ABCC4: variants seen among roughly 807,000 people sequenced by gnomAD.
ABCC4 encodes ATP-binding cassette sub-family C member 4.
In ABCC4, 102 loss-of-function variants were observed where a neutral mutation model predicts 168.5. The observed-to-expected ratio is 0.61, with a 90% CI of 0.52 to 0.71. ABCC4 has a LOEUF of 0.71. Ranked by LOEUF, ABCC4 falls within the 30% of genes least tolerant of loss-of-function variation. The probability of loss-of-function intolerance (pLI) is 0.00; values close to 1 mark genes in which losing one functional copy is unlikely to be tolerated. For missense variants in ABCC4, 1,402 were observed against 1,605.8 expected (o/e 0.87, Z 2.17); for synonymous variants, 617 against 590.7 (o/e 1.04, Z -0.65).
chr13:95,170,670 G>T, intron 13 of ABCC4, 42 bp from the exon 14 acceptor site: 2 of 1,209,464 alleles, frequency 1.7e-6, no homozygotes, highest in Non-Finnish European at 1.2e-6. Flanking sequence ...TGCATGAATG[G>T]GGTGCTCCAC....
intron 30 of ABCC4, among the ~76,000 whole-genome samples, chr13:95,028,974 T>C (rs1298830378): frequency 6.6e-6 from 1 of 151,746 alleles, no homozygotes; most frequent in Non-Finnish European, 1.5e-5. Context: ...AAGACCAGCC[T>C]GGCCAACATG....
intron 1 of ABCC4, among the ~76,000 whole-genome samples, chr13:95,257,121 A>G (rs1261400454): frequency 2.0e-5 from 3 of 152,274 alleles, no homozygotes; most frequent in African/African-American, 7.2e-5. Flanking sequence ...TGGAAGCCTT[A>G]CCAGTAACAT....
chr13:95,159,832 C>T (rs1226707452), intron 19 of ABCC4, among the ~76,000 whole-genome samples: 2 of 152,174 alleles, frequency 1.3e-5, no homozygotes, highest in East Asian at 1.9e-4. Flanking sequence ...GAACAGTCTT[C>T]TTTAATCTTC....
chr13:95,034,565 T>G (rs1361124058), intron 30 of ABCC4, 40 bp downstream of exon 30: 2 of 1,601,930 alleles, frequency 1.2e-6, no homozygotes, highest in Non-Finnish European at 1.7e-6. Flanking sequence ...AGGGAGCCGC[T>G]GAGACAAACT....
rs6492765 is a variant in ABCC4, at chr13:95,033,125, T to G, written c.3870+1480A>C. The stretch of plus-strand genomic sequence containing the variant: ...GCTGGGATTACAGGCAATCGCCACT[T>G]CACCCAGCTGATTTTTATATTTTTA... On this transcript the variant is annotated intron_variant, in intron 30 of 30. Coordinates refer to ENST00000645237, the MANE Select transcript of ABCC4 (RefSeq NM_005845.5). 2.0e-5 allele frequency among the ~76,000 whole-genome samples: 3 copies of G among 152,018 alleles called. No homozygotes were observed. The East Asian group carries it at 5.8e-4, about 29-fold the overall frequency.
chr13:95,074,076 C>T, intron 23 of ABCC4, 138 bp downstream of exon 23: 1 of 677,128 alleles, frequency 1.5e-6, no homozygotes, highest in Non-Finnish European at 2.4e-6. Flanking sequence ...CCCAACCTGA[C>T]ACATCGTAAA....
At chr13:95,266,487 T>C (rs1370176857) in intron 1 of ABCC4, among the ~76,000 whole-genome samples, 1 of 152,198 alleles carries the variant, frequency 6.6e-6, no homozygotes, top group Non-Finnish European at 1.5e-5. Flanking sequence ...CCACCAAGTA[T>C]GTAGGAATTT....
intron 1 of ABCC4, among the ~76,000 whole-genome samples, chr13:95,257,320 G>A (rs189724507): frequency 9.5e-4 from 145 of 152,308 alleles, no homozygotes; most frequent in African/African-American, 3.4e-3. Flanking sequence ...AGGCTGAAGA[G>A]GAAGAGGAAG....
intron 20 of ABCC4, among the ~76,000 whole-genome samples, chr13:95,105,688 C>T (rs368124213): frequency 6.6e-6 from 1 of 152,102 alleles, no homozygotes; most frequent in Admixed American, 6.5e-5. Context: ...CTAGTGGCCT[C>T]GGCACTGCTG....
chr13:95,062,486 T>TCTCA (rs1555306573), intron 26 of ABCC4, among the ~76,000 whole-genome samples: 285 of 144,994 alleles, frequency 2.0e-3, no homozygotes, highest in Non-Finnish European at 3.6e-3. Flanking sequence ...TTATTAAATA[T>TCTCA]CACACACACA....
At chr13:95,287,023 G>A (rs1195819561) in intron 1 of ABCC4, among the ~76,000 whole-genome samples, 1 of 151,978 alleles carries the variant, frequency 6.6e-6, no homozygotes, top group East Asian at 1.9e-4. Context: ...CATTGACCGG[G>A]CACGATGGCT....
At chr13:95,189,401 G>A (rs1256837767) in intron 9 of ABCC4, among the ~76,000 whole-genome samples, 7 of 152,198 alleles carry the variant, frequency 4.6e-5, no homozygotes, top group East Asian at 1.9e-4. Flanking sequence ...GATTACAGGC[G>A]TGAGCCACCG....
chr13:95,127,065 T>C (rs566052258), intron 19 of ABCC4, among the ~76,000 whole-genome samples: 1 of 151,810 alleles, frequency 6.6e-6, no homozygotes, highest in East Asian at 1.9e-4. Flanking sequence ...CAAACCATCA[T>C]CTTCATCTTA....
At chr13:95,145,459 TA>T (rs879937738) in intron 19 of ABCC4, among the ~76,000 whole-genome samples, 279 of 117,674 alleles carry the variant, frequency 2.4e-3, no homozygotes, top group Middle Eastern at 4.7e-3. Flanking sequence ...CATCTCTACC[TA>T]AAAAAAAAAA....
Position 95,123,599 on chromosome 13 carries a change from T to C in ABCC4, c.2456-7598A>G, listed in dbSNP as rs188247420. ...CTGGTCTCAAACTCCTGACCTCAGG[T>C]GACCTGCCCACCTCAGCCTCCAAAG... On this transcript the variant is annotated intron_variant, in intron 19 of 30. Transcript: ENST00000645237. 3.9e-5 allele frequency among the ~76,000 whole-genome samples: 6 copies of C among 152,268 alleles called. No homozygotes were observed. The East Asian group carries it at 1.2e-3, about 29-fold the overall frequency.
intron 20 of ABCC4, among the ~76,000 whole-genome samples, chr13:95,114,308 T>C (rs1729748): frequency 0.43 from 65,070 of 152,040 alleles, 16,210 homozygotes; most frequent in South Asian, 0.69. Flanking sequence ...ACAAAGCACA[T>C]AAGGGATACT....
At chr13:95,032,579 T>C (rs904996351) in intron 30 of ABCC4, among the ~76,000 whole-genome samples, 64 of 152,348 alleles carry the variant, frequency 4.2e-4, no homozygotes, top group African/African-American at 1.5e-3. Flanking sequence ...TGAGATGAAA[T>C]AGGAGCTGAA....
At chr13:95,161,158 T>C (rs1393589981) in intron 19 of ABCC4, 31 bp downstream of exon 19, 7 of 1,556,010 alleles carry the variant, frequency 4.5e-6, no homozygotes, top group East Asian at 4.6e-5. Flanking sequence ...TAACAAGACA[T>C]ACTTACTGAG....
At chr13:95,091,828 A>T (rs2034444051) in intron 20 of ABCC4, among the ~76,000 whole-genome samples, 1 of 152,220 alleles carries the variant, frequency 6.6e-6, no homozygotes, top group Non-Finnish European at 1.5e-5. Flanking sequence ...CTCAACACTA[A>T]TATTGAATGT....
Sources: allele counts gnomAD v4.1 joint callset (sites outside exome capture counted in the v4.1 genomes callset), GRCh38; gene constraint gnomAD v4.1.1; transcripts MANE v1.5; gene names NCBI Gene and HGNC (gene_info 2026-07-23, HGNC 2026-07-21).